The following NCKAP5 variants were observed in gnomAD, a reference collection of about 807,000 sequenced individuals.
NCKAP5 encodes the protein nck-associated protein 5.
A neutral mutation model predicts 167.0 loss-of-function variants in NCKAP5; 92 were observed. That is an observed-to-expected ratio of 0.55 (90% CI 0.47 to 0.66). NCKAP5 has a LOEUF of 0.66. NCKAP5 is among the 30% of genes least tolerant of loss of function. The pLI is 0.00. For missense variants in NCKAP5, 2,378 were observed against 2,315.0 expected, an observed-to-expected ratio of 1.03 and a Z score of -0.56; for synonymous variants, 891 against 877.4, an observed-to-expected ratio of 1.02 and a Z score of -0.27.
chr2:133,321,921 C>T lies in NCKAP5; in HGVS notation c.70-18811G>A, dbSNP rs777320680. On this transcript the variant is annotated intron_variant, in intron 3 of 19. Transcript: ENST00000409261. The stretch of plus-strand genomic sequence containing the variant: ...ATTGAATTCACTCCATTTGCTAGTA[C>T]TGCCTTCTCAACCATGCCTTGTCTT... Among the ~76,000 whole-genome samples the T allele has an allele frequency of 4.7e-4, 72 of 152,208 alleles. 1 individual carries two copies. Among genetic ancestry groups the T allele is most frequent in the Non-Finnish European group, 8.8e-5 (6 of 68,046 alleles).
intron 2 of NCKAP5, among the ~76,000 whole-genome samples, chr2:133,545,608 G>A (rs1339287675): frequency 6.6e-6 from 1 of 152,056 alleles, no homozygotes; most frequent in Non-Finnish European, 1.5e-5. Context: ...ACCGCACCTA[G>A]CACCCACTAC....
At chr2:133,358,946 C>G (rs894213531) in intron 3 of NCKAP5, among the ~76,000 whole-genome samples, 1 of 152,200 alleles carries the variant, frequency 6.6e-6, no homozygotes, top group Non-Finnish European at 1.5e-5. Context: ...AAACTTGACA[C>G]TATTTGCATA....
At chr2:133,018,581 G>A (rs2078423100) in intron 6 of NCKAP5, among the ~76,000 whole-genome samples, 1 of 152,144 alleles carries the variant, frequency 6.6e-6, no homozygotes, top group Non-Finnish European at 1.5e-5. Flanking sequence ...TTCTTAAGGT[G>A]GTATGAAGAT....
chr2:133,361,310 G>A (rs1047061396), intron 3 of NCKAP5, among the ~76,000 whole-genome samples: 1 of 152,206 alleles, frequency 6.6e-6, no homozygotes, highest in Non-Finnish European at 1.5e-5. Flanking sequence ...GCAATTTGGA[G>A]AGGAAGAAGA....
intron 4 of NCKAP5, chr2:133,266,459 GTGGCGGCGCGC>G (rs925247897): frequency 6.5e-6 from 1 of 152,716 alleles, no homozygotes; most frequent in African/African-American, 2.4e-5. Flanking sequence ...TGGGGCTAGG[GTGGCGGCGCGC>G]AGGGGGCGCG....
intron 11 of NCKAP5, among the ~76,000 whole-genome samples, chr2:132,840,261 T>C (rs560515078): frequency 3.3e-5 from 5 of 150,940 alleles, no homozygotes; most frequent in South Asian, 2.1e-4. Context: ...ACAGAGATGA[T>C]TGGCATTGCA....
intron 4 of NCKAP5, among the ~76,000 whole-genome samples, chr2:133,272,878 T>C (rs1365398923): frequency 1.3e-5 from 2 of 152,344 alleles, no homozygotes; most frequent in Admixed American, 6.5e-5. Context: ...GTAGCACGTA[T>C]TGGTGCTTCA....
At chr2:133,079,890 A>G (rs1184150872) in intron 6 of NCKAP5, among the ~76,000 whole-genome samples, 3 of 152,088 alleles carry the variant, frequency 2.0e-5, no homozygotes, top group Non-Finnish European at 1.5e-5. Flanking sequence ...CAGGTTTCAG[A>G]ATTTAGCTGT....
At chr2:133,088,662 A>G (rs2081074121) in intron 6 of NCKAP5, among the ~76,000 whole-genome samples, 1 of 152,190 alleles carries the variant, frequency 6.6e-6, no homozygotes, top group Non-Finnish European at 1.5e-5. Flanking sequence ...CTATCCTGAA[A>G]TGAAATTAAC....
intron 8 of NCKAP5, among the ~76,000 whole-genome samples, chr2:132,893,148 C>T (rs1422606411): frequency 2.6e-5 from 4 of 152,142 alleles, no homozygotes; most frequent in African/African-American, 9.7e-5. Flanking sequence ...ATGAAAACAT[C>T]TTACATGGCA....
chr2:133,042,336 A>C (rs2079243085), intron 6 of NCKAP5, among the ~76,000 whole-genome samples: 1 of 152,156 alleles, frequency 6.6e-6, no homozygotes, highest in South Asian at 2.1e-4. Flanking sequence ...CTGAGTAGAT[A>C]CTGGTAAATA....
intron 5 of NCKAP5, among the ~76,000 whole-genome samples, chr2:133,159,116 G>GA (rs2083688692): frequency 6.6e-6 from 1 of 151,980 alleles, no homozygotes; most frequent in African/African-American, 2.4e-5. Flanking sequence ...TCTCCGGCTG[G>GA]AAACAGAGAG....
the NCKAP5 span, among the ~76,000 whole-genome samples, chr2:133,671,214 CAAAAAAAAAAAA>C: frequency 3.7e-5 from 2 of 53,988 alleles, no homozygotes; most frequent in African/African-American, 6.5e-5. Context: ...GACTCCGTCT[CAAAAAAAAAAAA>C]AAAAAAAAAA....
the NCKAP5 span, among the ~76,000 whole-genome samples, chr2:133,578,929 C>T: frequency 6.6e-6 from 1 of 152,174 alleles, no homozygotes; most frequent in Admixed American, 6.5e-5. Context: ...ACACAATGAG[C>T]TCTGGTAACC....
chr2:132,679,912 G>A (rs1251119970), intron 19 of NCKAP5, among the ~76,000 whole-genome samples: 1 of 152,102 alleles, frequency 6.6e-6, no homozygotes, highest in Non-Finnish European at 1.5e-5. Flanking sequence ...TATTTGCGAA[G>A]GGCAGGCCAA....
chr2:133,256,419 A>C (rs934239004), intron 4 of NCKAP5, among the ~76,000 whole-genome samples: 13 of 152,162 alleles, frequency 8.5e-5, no homozygotes, highest in African/African-American at 2.9e-4. Context: ...TGTTTATTCC[A>C]ATCTTCCTAA....
At chr2:133,213,489 T>C (rs1411636882) in intron 5 of NCKAP5, among the ~76,000 whole-genome samples, 2 of 152,194 alleles carry the variant, frequency 1.3e-5, no homozygotes, top group Admixed American at 6.5e-5. Flanking sequence ...TCCTTGGACA[T>C]GTGAACATCT....
chr2:133,315,425 G>C (rs1388970756), intron 3 of NCKAP5, among the ~76,000 whole-genome samples: 1 of 152,162 alleles, frequency 6.6e-6, no homozygotes, highest in Non-Finnish European at 1.5e-5. Flanking sequence ...TGTGCAAGGG[G>C]TGTTGAATAA....
chr2:133,329,607 A>G (rs1345018966), intron 3 of NCKAP5, among the ~76,000 whole-genome samples: 2 of 152,216 alleles, frequency 1.3e-5, no homozygotes, highest in Admixed American at 6.5e-5. Flanking sequence ...AGACTATATA[A>G]GCCCACTGGA....
Sources: allele counts gnomAD v4.1 joint callset (sites outside exome capture counted in the v4.1 genomes callset), GRCh38; gene constraint gnomAD v4.1.1; transcripts MANE v1.5; gene names NCBI Gene and HGNC (gene_info 2026-07-23, HGNC 2026-07-21).